ZNF433: variants seen among roughly 807,000 people sequenced by gnomAD.
ZNF433 encodes zinc finger protein 433.
In ZNF433, 12 loss-of-function variants were observed where a neutral mutation model predicts 10.6. The observed-to-expected ratio is 1.13, with a 90% CI of 0.72 to 1.83. ZNF433 has a LOEUF of 1.83. ZNF433 is among the 40% of genes most tolerant of loss of function. The pLI, the probability that ZNF433 is intolerant of heterozygous loss-of-function variation, is 0.00. For missense variants in ZNF433, 737 were observed against 798.0 expected, an observed-to-expected ratio of 0.92 and a Z score of 0.92; for synonymous variants, 272 against 271.3, an observed-to-expected ratio of 1.00 and a Z score of -0.02.
At chr19:12,032,338 A>G (rs931774221) in intron 1 of ZNF433, among the ~76,000 whole-genome samples, 3 of 152,028 alleles carry the variant, frequency 2.0e-5, no homozygotes, top group Admixed American at 6.6e-5. Flanking sequence ...AACTTTCCCT[A>G]TTTTTCTCCA....
At chr19:12,017,852 CTT>C (rs1974285778) in intron 3 of ZNF433, 22 bp downstream of exon 3, 2 of 1,439,906 alleles carry the variant, frequency 1.4e-6, no homozygotes. Flanking sequence ...AGACACACGT[CTT>C]TGTCATGTGA....
chr19:12,015,924 ATT>A lies in ZNF433; in HGVS notation c.932_933del (p.Glu311ValfsTer15). ...CTGGGACACTTGAATGCTTTTCCACATTCCTTACATTCATATGGCTTCTCCCC... is the reference window on the plus strand; with the variant it reads ...CTGGGACACTTGAATGCTTTTCCACACCTTACATTCATATGGCTTCTCCCC... Reference protein sequence around the residue: ...HTGEKPYECKECGKAFKCPSS... With the variant: ...HTGEKPYECKXCGKAFKCPSS... On this transcript the variant is annotated frameshift_variant, in exon 4 of 4. Coordinates refer to ENST00000550507, the MANE Select transcript of ZNF433 (RefSeq NM_001308348.2). LOFTEE classifies it low-confidence loss of function (END_TRUNC). 1 of 1,614,012 alleles carries A rather than the reference ATT, an allele frequency of 6.2e-7. No homozygotes were observed. Among genetic ancestry groups the A allele is most frequent in the Non-Finnish European group, 8.5e-7 (1 of 1,179,968 alleles).
At position 12,016,273 on chromosome 19, in the gene ZNF433, A is replaced by C; in HGVS notation, c.585T>G (p.Tyr195Ter). Residue 195 changes from tyrosine to a stop codon, truncating the protein, a stop_gained, in exon 4 of 4, where the codon TAT becomes TAG. Coordinates refer to ENST00000550507, the MANE Select transcript of ZNF433 (RefSeq NM_001308348.2). LOFTEE classifies it low-confidence loss of function (END_TRUNC). ...HRIMHRGDGP[Y>*]KCKFCGKALM... is the part of the protein sequence containing the mutation. ...AGGCTTTCCCACAAAATTTACACTT[A>C]TAAGGTCCATCTCCACGGTGCATTA... 6.2e-7 allele frequency: 1 copy of C among 1,614,226 alleles called. No homozygotes were observed.
chr19:12,018,144 G>A (rs775449831), intron 2 of ZNF433, 22 bp downstream of exon 2: 2 of 1,547,028 alleles, frequency 1.3e-6, no homozygotes, highest in South Asian at 2.5e-5. Flanking sequence ...TTTACTGAAG[G>A]AAGTAATGTT....
At chr19:12,018,403 C>G in intron 1 of ZNF433, 111 bp from the exon 2 acceptor site, 1 of 1,305,344 alleles carries the variant, frequency 7.7e-7, no homozygotes, top group Non-Finnish European at 1.0e-6. Context: ...AACAATTATT[C>G]CATGACCATC....
At chr19:12,025,962 G>A (rs571000617) in intron 1 of ZNF433, 4 of 152,580 alleles carry the variant, frequency 2.6e-5, no homozygotes, top group Admixed American at 2.6e-4. Flanking sequence ...GCAAAAAGGG[G>A]GAAACAGGGA....
chr19:12,035,609 G>A lies in ZNF433; in HGVS notation c.-70C>T. The A allele has an allele frequency of 6.5e-7, 1 of 1,543,266 alleles. No homozygotes were observed. The highest frequency in any genetic ancestry group is 8.8e-7 in the Non-Finnish European group (1 of 1,142,392). Reference sequence around the variant, plus strand: ...ACAGGCGACAGAAGCTATGGCAGAGGCACCTGAACCCTCTCGGAGGGGAAA... The same window carrying A: ...ACAGGCGACAGAAGCTATGGCAGAGACACCTGAACCCTCTCGGAGGGGAAA... On this transcript the variant is annotated 5_prime_UTR_variant, in exon 1 of 4. Transcript: ENST00000550507.
At chr19:12,034,200 A>G (rs1975168943) in intron 1 of ZNF433, among the ~76,000 whole-genome samples, 1 of 152,246 alleles carries the variant, frequency 6.6e-6, no homozygotes, top group African/African-American at 2.4e-5. Context: ...GAAATGAAAT[A>G]TGGGCTTAAC....
chr19:12,015,464 T>C lies in ZNF433; in HGVS notation c.1394A>G (p.His465Arg), dbSNP rs373981450. ...PFSNFSFFQI[H>R]ERMHREEKPY... ...CTTCTCTTCTCTGTGCATCCTTTCA[T>C]GTATTTGAAAGAAAGAGAAATTACT... The change falls in exon 4 of 4, where the codon CAT (histidine) becomes CGT (arginine). Residue 465 changes from histidine to arginine, a missense_variant. Transcript: ENST00000550507. 4.8e-5 allele frequency: 77 copies of C among 1,614,108 alleles called. No individual in the cohort carries two copies. The highest frequency in any genetic ancestry group is 1.8e-4 in the East Asian group (8 of 44,882).
chr19:12,028,402 A>G (rs1721980735), intron 1 of ZNF433, among the ~76,000 whole-genome samples: 1 of 152,250 alleles, frequency 6.6e-6, no homozygotes, highest in African/African-American at 2.4e-5. Flanking sequence ...ATGTAAAAAT[A>G]AAATATACTG....
chr19:12,033,687 T>C (rs1975141838), intron 1 of ZNF433, among the ~76,000 whole-genome samples: 1 of 147,982 alleles, frequency 6.8e-6, no homozygotes, highest in Non-Finnish European at 1.5e-5. Flanking sequence ...CCAGGCGTGG[T>C]GACGGGCTCC....
chr19:12,018,978 A>C (rs1205275228), intron 1 of ZNF433, among the ~76,000 whole-genome samples: 8 of 147,418 alleles, frequency 5.4e-5, no homozygotes, highest in Non-Finnish European at 3.0e-5. Context: ...GGAATCCAAG[A>C]GGCAGAGGCT....
intron 1 of ZNF433, 198 bp from the exon 2 acceptor site, chr19:12,018,490 G>T: frequency 2.0e-6 from 1 of 498,506 alleles, no homozygotes; most frequent in Non-Finnish European, 3.2e-6. Context: ...ATGTGGTAAA[G>T]CAACAGTAGA....
At chr19:12,027,436 A>G (rs1974794743) in intron 1 of ZNF433, among the ~76,000 whole-genome samples, 1 of 152,228 alleles carries the variant, frequency 6.6e-6, no homozygotes, top group Non-Finnish European at 1.5e-5. Context: ...CCCACACTGA[A>G]GGTTGTTCAT....
At chr19:12,034,793 C>T in intron 1 of ZNF433, 1 of 453,464 alleles carries the variant, frequency 2.2e-6, no homozygotes, top group Non-Finnish European at 4.4e-6. Flanking sequence ...AACCCCCCTT[C>T]CACAGGTCCC....
rs1284912999 is a variant in ZNF433 at position 12,016,053 on chromosome 19, G to A, written c.805C>T (p.His269Tyr). The change falls in exon 4 of 4, where the codon CAT (histidine) becomes TAT (tyrosine). Residue 269 changes from histidine (H) to tyrosine (Y), a missense_variant. Physicochemically the swap from His to Tyr is moderately conservative, Grantham distance 83 (BLOSUM62 2). Transcript: ENST00000550507. ...TTCTCCCCAGTGTGAGTTCTTTTAT[G>A]AGCATGAAGGCATGTGGAACTATGG... is the stretch of plus-strand genomic sequence containing the variant. ...AFHSSTCLHA[H>Y]KRTHTGEKPY... 1 of 1,614,076 alleles carries A rather than the reference G, an allele frequency of 6.2e-7. No homozygotes were observed. Among genetic ancestry groups the A allele is most frequent in the Admixed American group, 1.7e-5 (1 of 60,012 alleles).
chr19:12,015,484 A>G lies in ZNF433; in HGVS notation c.1374T>C (p.Asn458=). 1 of 1,613,908 alleles carries G rather than the reference A, an allele frequency of 6.2e-7. No homozygotes were observed. The highest frequency in any genetic ancestry group is 2.2e-5 in the East Asian group (1 of 44,852). The change falls in exon 4 of 4, where the codon AAT becomes AAC. Residue 458 remains asparagine (N), a synonymous_variant. Transcript: ENST00000550507. The part of the protein sequence containing the change: ...ACKECGKPFS[N]FSFFQIHERM... Reference sequence around the variant, plus strand: ...TTTCATGTATTTGAAAGAAAGAGAAATTACTAAATGGTTTTCCACATTCCT... The same window carrying G: ...TTTCATGTATTTGAAAGAAAGAGAAGTTACTAAATGGTTTTCCACATTCCT...
chr19:12,019,948 C>G (rs1320317385), intron 1 of ZNF433, among the ~76,000 whole-genome samples: 1 of 151,874 alleles, frequency 6.6e-6, no homozygotes, highest in Non-Finnish European at 1.5e-5. Flanking sequence ...ATCACAGTAC[C>G]AAGTAAAAAA....
chr19:12,015,146 G>A lies in ZNF433; in HGVS notation c.1712C>T (p.Ala571Val), dbSNP rs1307806314. 6.2e-7 allele frequency: 1 copy of A among 1,613,954 alleles called. No individual in the cohort carries two copies. Among genetic ancestry groups the A allele is most frequent in the Non-Finnish European group, 8.5e-7 (1 of 1,179,904 alleles). The change falls in exon 4 of 4, where the codon GCC becomes GTC. Residue 571 changes from alanine to valine, a missense_variant. Transcript: ENST00000550507. ...CKQCGKAFGSASHLQMHGRTH... is the reference protein window; with the variant it reads ...CKQCGKAFGSVSHLQMHGRTH... Reference sequence around the variant, plus strand: ...CCTTCCATGCATTTGAAGGTGTGAGGCAGATCCAAAGGCTTTCCCACACTG... The same window carrying A: ...CCTTCCATGCATTTGAAGGTGTGAGACAGATCCAAAGGCTTTCCCACACTG...
Sources: gnomAD v4.1 joint callset for allele counts (sites outside exome capture counted in the v4.1 genomes callset) on GRCh38, gnomAD v4.1.1 for gene constraint, MANE v1.5 for transcripts, NCBI Gene and HGNC (gene_info 2026-07-23, HGNC 2026-07-21) for gene names.